The following UBXN11 variants were observed in gnomAD, a reference collection of about 807,000 sequenced individuals.
UBXN11 encodes UBX domain protein 11, also known as UBX domain-containing protein 11.
A neutral mutation model predicts 62.8 loss-of-function variants in UBXN11; 47 were observed. The ratio of observed to expected loss-of-function variants is 0.75; its 90% CI spans 0.59 to 0.95. The LOEUF is 0.95. Among genes scored for constraint, UBXN11 ranks in the 40% least tolerant of loss-of-function variants. UBXN11 has a pLI of 0.00. For missense variants in UBXN11, 638 were observed against 661.7 expected (o/e 0.96, Z 0.39); for synonymous variants, 294 against 267.0 (o/e 1.10, Z -0.99).
chr1:26,285,560 A>T lies in UBXN11; in HGVS notation c.775-19T>A. The stretch of plus-strand genomic sequence containing the variant: ...GGCAGCGCTGCAAGGGAAGAGGAAA[A>T]GTGAGGGGGTGGCCTGGGCCTTGGG... On this transcript the variant is annotated intron_variant, in intron 9 of 14. Coordinates refer to ENST00000374222, the MANE Select transcript of UBXN11 (RefSeq NM_001389556.1). 2 of 1,551,198 alleles carry T rather than the reference A, an allele frequency of 1.3e-6. No individual in the cohort carries two copies. Among genetic ancestry groups the T allele is most frequent in the Non-Finnish European group, 8.7e-7 (1 of 1,144,054 alleles).
chr1:26,283,185 C>T (rs1189007831), intron 12 of UBXN11, among the ~76,000 whole-genome samples: 8 of 152,174 alleles, frequency 5.3e-5, no homozygotes, highest in Non-Finnish European at 1.2e-4. Context: ...CCCACACAGA[C>T]GATGATCAGG....
chr1:26,283,368 A>C (rs540013846), intron 12 of UBXN11, among the ~76,000 whole-genome samples: 2 of 152,332 alleles, frequency 1.3e-5, no homozygotes, highest in Non-Finnish European at 2.9e-5. Context: ...GTGGCGACAC[A>C]TTTGGGCAAC....
At chr1:26,307,630 T>TA (rs1330022619), upstream of UBXN11, among the ~76,000 whole-genome samples, 2 of 150,534 alleles carry the variant, frequency 1.3e-5, no homozygotes, top group East Asian at 3.9e-4. Flanking sequence ...GTTGCTTTTT[T>TA]TTTTTTTTTT....
At chr1:26,294,450 A>G (rs2073347861) in intron 7 of UBXN11, 119 bp from the exon 8 acceptor site, 4 of 1,428,906 alleles carry the variant, frequency 2.8e-6, no homozygotes, top group Middle Eastern at 4.3e-4. Flanking sequence ...AGAGCTGACC[A>G]GACAAAGGGA....
At chr1:26,285,406 G>C in intron 10 of UBXN11, 58 bp downstream of exon 10, 1 of 1,581,884 alleles carries the variant, frequency 6.3e-7, no homozygotes, top group East Asian at 2.3e-5. Flanking sequence ...TGGGGAGGCT[G>C]TGTATCCCCA....
chr1:26,300,452 C>T (rs553212415), intron 4 of UBXN11, among the ~76,000 whole-genome samples: 3 of 152,314 alleles, frequency 2.0e-5, no homozygotes, highest in Non-Finnish European at 2.9e-5. Flanking sequence ...CCCATGTCTC[C>T]CCTTTTCTCA....
At chr1:26,307,624 C>CTTTTTTTTTTTTTT (rs58120340), upstream of UBXN11, among the ~76,000 whole-genome samples, 1 of 127,926 alleles carries the variant, frequency 7.8e-6, no homozygotes. Flanking sequence ...TTTTCTGTTG[C>CTTTTTTTTTTTTTT]TTTTTTTTTT....
intron 9 of UBXN11, 98 bp from the exon 10 acceptor site, chr1:26,285,639 C>G: frequency 7.2e-7 from 1 of 1,382,438 alleles, no homozygotes; most frequent in Non-Finnish European, 9.7e-7. Flanking sequence ...CAGGGTCACC[C>G]AGTGCCGCAC....
intron 8 of UBXN11, among the ~76,000 whole-genome samples, chr1:26,286,550 AT>A (rs1263585587): frequency 1.3e-5 from 2 of 152,010 alleles, no homozygotes; most frequent in East Asian, 3.9e-4. Context: ...TGACAGTAGT[AT>A]CTGCCTCCTA....
intron 8 of UBXN11, among the ~76,000 whole-genome samples, chr1:26,292,085 C>T (rs1012277949): frequency 5.3e-5 from 8 of 152,218 alleles, no homozygotes; most frequent in Non-Finnish European, 1.2e-4. Context: ...TCATCTTCTG[C>T]CTCAGTGACC....
At chr1:26,286,074 G>C in intron 8 of UBXN11, 37 bp from the exon 9 acceptor site, 2 of 1,554,996 alleles carry the variant, frequency 1.3e-6, no homozygotes, top group Non-Finnish European at 1.7e-6. Flanking sequence ...GCCGCCTTTT[G>C]GCTGTCATGT....
intron 4 of UBXN11, among the ~76,000 whole-genome samples, chr1:26,300,412 CCAGCA>C (rs1163122436): frequency 1.3e-5 from 2 of 152,200 alleles, no homozygotes; most frequent in African/African-American, 4.8e-5. Flanking sequence ...CAGATCCCGC[CCAGCA>C]CTCTGCAGGG....
upstream of UBXN11, among the ~76,000 whole-genome samples, chr1:26,308,043 G>C (rs1421340586): frequency 6.6e-6 from 1 of 152,104 alleles, no homozygotes; most frequent in African/African-American, 2.4e-5. Context: ...GAGGCAGGCG[G>C]ATCATCTGAA....
chr1:26,295,876 T>C (rs1221230696), intron 7 of UBXN11, among the ~76,000 whole-genome samples: 1 of 152,214 alleles, frequency 6.6e-6, no homozygotes, highest in Non-Finnish European at 1.5e-5. Context: ...ATGAGGCTGT[T>C]AAATGAATGA....
intron 1 of UBXN11, among the ~76,000 whole-genome samples, chr1:26,304,407 G>A (rs947574664): frequency 1.5e-4 from 23 of 152,140 alleles, no homozygotes; most frequent in African/African-American, 3.9e-4. Flanking sequence ...AAAGCAGGCC[G>A]GGAGCGGTGG....
chr1:26,302,787 A>G, intron 2 of UBXN11, 26 bp downstream of exon 2: 3 of 1,604,406 alleles, frequency 1.9e-6, no homozygotes, highest in Middle Eastern at 3.3e-4. Flanking sequence ...GCGGGGACAG[A>G]AAGACCCCTG....
chr1:26,306,837 G>GGTGGGT (rs1553165101), upstream of UBXN11: 6 of 63,460 alleles, frequency 9.5e-5, no homozygotes, highest in Non-Finnish European at 2.1e-4. Flanking sequence ...GGTGGGGGGG[G>GGTGGGT]GGGGTGGTTC....
At chr1:26,307,542 A>G (rs1180743145), upstream of UBXN11, among the ~76,000 whole-genome samples, 1 of 149,702 alleles carries the variant, frequency 6.7e-6, no homozygotes, top group East Asian at 2.0e-4. Flanking sequence ...GGAGTTTATG[A>G]TTTCTGATCT....
chr1:26,299,184 CAG>C (rs1415163111), intron 4 of UBXN11, among the ~76,000 whole-genome samples: 1 of 152,130 alleles, frequency 6.6e-6, no homozygotes, highest in African/African-American at 2.4e-5. Context: ...ACAGTGGACA[CAG>C]AGGAGAATCC....
Sources: gnomAD v4.1 joint callset for allele counts (sites outside exome capture counted in the v4.1 genomes callset) on GRCh38, gnomAD v4.1.1 for gene constraint, MANE v1.5 for transcripts, NCBI Gene and HGNC (gene_info 2026-07-23, HGNC 2026-07-21) for gene names.